Variants in AFAP1 observed in about 807,000 individuals in gnomAD.
The protein encoded by AFAP1 is actin filament associated protein 1.
A neutral mutation model predicts 93.9 loss-of-function variants in AFAP1; 75 were observed. The ratio of observed to expected loss-of-function variants is 0.80; its 90% CI spans 0.66 to 0.97. The LOEUF is 0.97. Among genes scored for constraint, AFAP1 ranks in the 50% least tolerant of loss-of-function variants. The probability of loss-of-function intolerance (pLI) is 0.00; values close to 1 mark genes in which losing one functional copy is unlikely to be tolerated. For synonymous variants in AFAP1, 517 were observed against 430.7 expected (o/e 1.20, Z -2.48); for missense variants, 1,201 against 1,050.8 (o/e 1.14, Z -1.98).
intron 4 of AFAP1, among the ~76,000 whole-genome samples, chr4:7,848,147 ACAGGTAGATGGGTAAGTG>A (rs1351716293): frequency 7.2e-4 from 64 of 88,668 alleles, no homozygotes; most frequent in African/African-American, 3.3e-3. Flanking sequence ...GAGGGAGTGA[ACAGGTAGATGGGTAAGTG>A]GGAGGGAGGG....
At chr4:7,928,161 C>T (rs1217808586) in intron 1 of AFAP1, among the ~76,000 whole-genome samples, 1 of 152,154 alleles carries the variant, frequency 6.6e-6, no homozygotes, top group African/African-American at 2.4e-5. Context: ...GTGCCTTTGG[C>T]TAAATGTAAA....
intron 1 of AFAP1, among the ~76,000 whole-genome samples, chr4:7,889,770 T>C (rs1577337352): frequency 6.7e-6 from 1 of 149,078 alleles, no homozygotes; most frequent in Non-Finnish European, 1.5e-5. Context: ...TCCAATAGTA[T>C]TAAAATATGT....
intron 5 of AFAP1, among the ~76,000 whole-genome samples, chr4:7,840,486 G>T (rs952203070): frequency 1.3e-5 from 2 of 152,016 alleles, no homozygotes. Flanking sequence ...GCTAATTTTT[G>T]TATTTTTAGT....
intron 1 of AFAP1, among the ~76,000 whole-genome samples, chr4:7,901,722 G>A (rs1179167541): frequency 1.3e-5 from 2 of 152,214 alleles, no homozygotes; most frequent in Admixed American, 1.3e-4. Context: ...GTGGACAGGG[G>A]GCTGAACTGG....
chr4:7,866,867 T>TA (rs71264985), intron 3 of AFAP1, among the ~76,000 whole-genome samples: 18,169 of 139,754 alleles, frequency 0.13, 1,292 homozygotes, highest in Non-Finnish European at 0.17. Context: ...CTTTCTCTAT[T>TA]AAAAAAAAAA....
intron 1 of AFAP1, among the ~76,000 whole-genome samples, chr4:7,880,858 G>A (rs1029142453): frequency 6.6e-6 from 1 of 152,186 alleles, no homozygotes; most frequent in Non-Finnish European, 1.5e-5. Flanking sequence ...ACTTCCTGCT[G>A]CATCTGAGAA....
intron 4 of AFAP1, among the ~76,000 whole-genome samples, chr4:7,849,601 A>G (rs1411716324): frequency 6.6e-6 from 1 of 152,138 alleles, no homozygotes; most frequent in Non-Finnish European, 1.5e-5. Flanking sequence ...TACTTTCTGG[A>G]GCTGCTCTTT....
intron 6 of AFAP1, among the ~76,000 whole-genome samples, chr4:7,830,336 G>T (rs1721778758): frequency 6.6e-6 from 1 of 152,148 alleles, no homozygotes; most frequent in Non-Finnish European, 1.5e-5. Flanking sequence ...ACTAAATAAG[G>T]CAATTCCAAT....
rs116689147 is a variant in AFAP1, at chr4:7,802,306, C to T, written c.1055-1653G>A. ...CAGGCTGAGGCTCCAAGGCCTGTGC[C>T]GTGGCCGCCCTCTTGTGTTCAGAGA... On this transcript the variant is annotated intron_variant, in intron 9 of 17. Transcript: ENST00000420658. 8.5e-3 allele frequency among the ~76,000 whole-genome samples: 1,298 copies of T among 152,314 alleles called. 16 individuals carry two copies. Among genetic ancestry groups the T allele is most frequent in the Middle Eastern group, 0.02 (6 of 294 alleles).
At chr4:7,866,476 G>A (rs112182685) in intron 3 of AFAP1, among the ~76,000 whole-genome samples, 158 of 152,342 alleles carry the variant, frequency 1.0e-3, no homozygotes, top group African/African-American at 3.4e-3. Flanking sequence ...GATGACAGGC[G>A]TGAGCCACCG....
At position 7,868,849 on chromosome 4, in the gene AFAP1, C is replaced by A. The variant is rs1017509781; in HGVS notation, c.128-130G>T. The A allele has an allele frequency of 7.7e-6, 6 of 777,194 alleles. No homozygotes were observed. In the African/African-American group the frequency reaches 1.1e-4, roughly 14 times the overall value. 48.1% of individuals were successfully genotyped at this position (777,194 alleles called of 1,614,324 possible). On this transcript the variant is annotated intron_variant, in intron 2 of 17. Coordinates refer to ENST00000420658, the MANE Select transcript of AFAP1 (RefSeq NM_001134647.2). ...ATTTATTTTCTCTAATCCTTTACAA[C>A]AGTCCTGCAAGGTTAGGTATTATTC...
intron 1 of AFAP1, among the ~76,000 whole-genome samples, chr4:7,897,669 G>A (rs1447476340): frequency 1.3e-5 from 2 of 151,950 alleles, no homozygotes; most frequent in African/African-American, 2.4e-5. Flanking sequence ...GAACACCAGC[G>A]TGCACTGCCA....
At chr4:7,787,265 G>A (rs1717389262) in intron 11 of AFAP1, among the ~76,000 whole-genome samples, 1 of 152,218 alleles carries the variant, frequency 6.6e-6, no homozygotes, top group South Asian at 2.1e-4. Context: ...GAGGGCACGG[G>A]AGCGCTGTGC....
chr4:7,803,176 A>C (rs530724018), intron 9 of AFAP1, among the ~76,000 whole-genome samples: 1 of 152,310 alleles, frequency 6.6e-6, no homozygotes, highest in South Asian at 2.1e-4. Context: ...GGTGTATCTG[A>C]AAGGAAGAGG....
In AFAP1 at chr4:7,855,521, A is replaced by G; in HGVS notation, c.279T>C (p.Tyr93=). The G allele has an allele frequency of 6.2e-7, 1 of 1,613,976 alleles. No homozygotes were observed. Among genetic ancestry groups the G allele is most frequent in the Non-Finnish European group, 8.5e-7 (1 of 1,179,958 alleles). ...PLPTSSLPEG[Y]YEEAVPLSPG... ...GGCTCAGCGGCACAGCTTCCTCATAATAACCTTCTGGGAGGGAGGATGTTG... is the reference window on the plus strand; with the variant it reads ...GGCTCAGCGGCACAGCTTCCTCATAGTAACCTTCTGGGAGGGAGGATGTTG... Residue 93 remains tyrosine (Y), a synonymous_variant, in exon 4 of 18, where the codon TAT becomes TAC. Coordinates refer to ENST00000420658, the MANE Select transcript of AFAP1 (RefSeq NM_001134647.2).
At chr4:7,791,634 A>G (rs548830221) in intron 11 of AFAP1, among the ~76,000 whole-genome samples, 3 of 151,888 alleles carry the variant, frequency 2.0e-5, no homozygotes, top group Non-Finnish European at 4.4e-5. Context: ...ACTTGAACCC[A>G]GGAGTCCAGG....
Position 7,855,547 on chromosome 4 carries a change from G to C in AFAP1, c.253C>G (p.Pro85Ala), listed in dbSNP as rs368688610. The C allele has an allele frequency of 1.1e-5, 17 of 1,613,910 alleles. No homozygotes were observed. Among genetic ancestry groups the C allele is most frequent in the Non-Finnish European group, 1.4e-5 (16 of 1,179,948 alleles). ...LPPDSGPPPL[P>A]TSSLPEGYYE... Reference sequence around the variant, plus strand: ...TAACCTTCTGGGAGGGAGGATGTTGGCAATGGTGGAGGCCCACTGTCAGGA... The same window carrying C: ...TAACCTTCTGGGAGGGAGGATGTTGCCAATGGTGGAGGCCCACTGTCAGGA... Residue 85 changes from proline (P) to alanine (A), a missense_variant, in exon 4 of 18, where the codon CCA becomes GCA. Pro to Ala is a conservative substitution (Grantham distance 27). Coordinates refer to ENST00000420658, the MANE Select transcript of AFAP1 (RefSeq NM_001134647.2).
At chr4:7,796,048 T>C (rs1215245812) in intron 10 of AFAP1, among the ~76,000 whole-genome samples, 2 of 152,138 alleles carry the variant, frequency 1.3e-5, no homozygotes, top group Non-Finnish European at 2.9e-5. Flanking sequence ...ATGTATAACA[T>C]ATAAACGTGT....
chr4:7,905,022 T>C (rs1719321860), intron 1 of AFAP1, among the ~76,000 whole-genome samples: 1 of 152,080 alleles, frequency 6.6e-6, no homozygotes, highest in Non-Finnish European at 1.5e-5. Context: ...AAATGTGACT[T>C]ATACAAAATC....
Sources: allele counts gnomAD v4.1 joint callset (sites outside exome capture counted in the v4.1 genomes callset), GRCh38; gene constraint gnomAD v4.1.1; transcripts MANE v1.5; gene names NCBI Gene and HGNC (gene_info 2026-07-23, HGNC 2026-07-21).